The following PGM5 variants were observed in gnomAD, a reference collection of about 807,000 sequenced individuals.
The protein encoded by PGM5 is phosphoglucomutase 5.
A neutral mutation model predicts 59.2 loss-of-function variants in PGM5; 23 were observed. That is an observed-to-expected ratio of 0.39 (90% CI 0.28 to 0.55). The LOEUF is 0.55. PGM5 is among the 20% of genes least tolerant of loss of function. The probability of loss-of-function intolerance (pLI) is 0.66; values close to 1 mark genes in which losing one functional copy is unlikely to be tolerated. For missense variants in PGM5, 574 were observed against 748.3 expected (o/e 0.77, Z 2.72); for synonymous variants, 214 against 286.0 (o/e 0.75, Z 2.54).
chr9:68,369,467 G>T (rs1276092933), intron 1 of PGM5, among the ~76,000 whole-genome samples: 2 of 152,100 alleles, frequency 1.3e-5, no homozygotes, highest in Admixed American at 1.3e-4. Flanking sequence ...GCCCTTTCTT[G>T]TTCTAGTGAG....
chr9:68,480,073 CTT>C lies in PGM5; in HGVS notation c.1295+522_1295+523del, dbSNP rs201759223. Among the ~76,000 whole-genome samples the C allele has an allele frequency of 2.8e-4, 43 of 152,306 alleles. No homozygotes were observed. In the East Asian group the frequency reaches 8.1e-3, roughly 29 times the overall value. ...TTTCCTTTCCCCTGATGACATCACT[CTT>C]TAATCTTTTCATCAATGCCTATAAG... On this transcript the variant is annotated intron_variant, in intron 8 of 10. Coordinates refer to ENST00000396396, the MANE Select transcript of PGM5 (RefSeq NM_021965.4).
chr9:68,367,191 A>G (rs1554676771), intron 1 of PGM5, among the ~76,000 whole-genome samples: 2 of 150,624 alleles, frequency 1.3e-5, no homozygotes, highest in African/African-American at 2.5e-5. Flanking sequence ...AACATAAAGG[A>G]CTTTTTTGGT....
chr9:68,391,718 T>G lies in PGM5; in HGVS notation c.882T>G (p.Ala294=). The stretch of plus-strand genomic sequence containing the variant: ...ATGGATTTGGAGCTGCATTTGATGC[T>G]GATGGGGTAAGTAGGAAAGCTGTCT... ...GEYGFGAAFD[A]DGDRYMILGQ... Residue 294 remains alanine (A), a synonymous_variant, in exon 5 of 11, where the codon GCT becomes GCG. Transcript: ENST00000396396. 1 of 1,612,984 alleles carries G rather than the reference T, an allele frequency of 6.2e-7. No homozygotes were observed.
At chr9:68,501,335 G>A (rs1824570508) in intron 10 of PGM5, among the ~76,000 whole-genome samples, 1 of 152,164 alleles carries the variant, frequency 6.6e-6, no homozygotes, top group Admixed American at 6.6e-5. Flanking sequence ...ATACATTTGA[G>A]TCAGGATATA....
At chr9:68,479,723 AG>A (rs1554686971) in intron 8 of PGM5, among the ~76,000 whole-genome samples, 170 bp downstream of exon 8, 1 of 152,166 alleles carries the variant, frequency 6.6e-6, no homozygotes, top group Non-Finnish European at 1.5e-5. Flanking sequence ...TCACGAGGTC[AG>A]GAGATCGAGA....
At chr9:68,457,165 CT>C (rs1183948244) in intron 6 of PGM5, among the ~76,000 whole-genome samples, 3 of 151,866 alleles carry the variant, frequency 2.0e-5, no homozygotes, top group Non-Finnish European at 1.5e-5. Flanking sequence ...TGGCTTACTT[CT>C]TTTTTTTAGT....
chr9:68,433,219 G>A (rs1823383850), intron 6 of PGM5, among the ~76,000 whole-genome samples: 1 of 152,176 alleles, frequency 6.6e-6, no homozygotes, highest in Non-Finnish European at 1.5e-5. Context: ...GACTTAATCT[G>A]GATTCTGTCG....
At chr9:68,483,770 C>G in intron 8 of PGM5, 95 bp from the exon 9 acceptor site, 1 of 1,130,882 alleles carries the variant, frequency 8.8e-7, no homozygotes, top group South Asian at 1.4e-5. Context: ...TGCTGTCCTT[C>G]CCTGGAAACA....
At chr9:68,442,377 C>G (rs1202708132) in intron 6 of PGM5, among the ~76,000 whole-genome samples, 1 of 152,166 alleles carries the variant, frequency 6.6e-6, no homozygotes, top group Non-Finnish European at 1.5e-5. Context: ...CTCCACCTCC[C>G]AGGTTCAAGT....
rs1354040706 is a variant in PGM5 at position 68,524,274 on chromosome 9, A to G, written c.1615-5293A>G. 2.0e-5 allele frequency among the ~76,000 whole-genome samples: 3 copies of G among 152,338 alleles called. No individual in the cohort carries two copies. The East Asian group carries it at 5.8e-4, about 29-fold the overall frequency. ...AATGTCCAAAAAATTCATGATAAAC[A>G]TAGTGTCAAAACTTTAAATAGAGAG... is the stretch of plus-strand genomic sequence containing the variant. On this transcript the variant is annotated intron_variant, in intron 10 of 10. Coordinates refer to ENST00000396396, the MANE Select transcript of PGM5 (RefSeq NM_021965.4).
intron 10 of PGM5, among the ~76,000 whole-genome samples, chr9:68,525,514 G>A (rs541099629): frequency 2.0e-5 from 3 of 152,156 alleles, no homozygotes; most frequent in Admixed American, 6.5e-5. Flanking sequence ...TTGATGTTGC[G>A]AATCAACTAG....
intron 9 of PGM5, among the ~76,000 whole-genome samples, chr9:68,495,986 G>A (rs1333553739): frequency 1.3e-5 from 2 of 152,176 alleles, no homozygotes; most frequent in African/African-American, 4.8e-5. Context: ...TGCCACTGCA[G>A]CACAAAAGCA....
At chr9:68,455,124 G>A (rs1823753449) in intron 6 of PGM5, among the ~76,000 whole-genome samples, 1 of 152,122 alleles carries the variant, frequency 6.6e-6, no homozygotes, top group Non-Finnish European at 1.5e-5. Flanking sequence ...GACCTGATTT[G>A]GCTTCATAGG....
intron 7 of PGM5, 35 bp from the exon 8 acceptor site, chr9:68,479,383 A>G: frequency 6.3e-7 from 1 of 1,581,234 alleles, no homozygotes. Flanking sequence ...GCTCCCACAA[A>G]TGAATGCTCA....
At chr9:68,359,706 C>A (rs1414394384) in intron 1 of PGM5, among the ~76,000 whole-genome samples, 1 of 152,200 alleles carries the variant, frequency 6.6e-6, no homozygotes, top group African/African-American at 2.4e-5. Context: ...TACTCATAAG[C>A]AGGCTAGAAA....
chr9:68,438,724 C>G (rs575456922), intron 6 of PGM5, among the ~76,000 whole-genome samples: 1 of 152,164 alleles, frequency 6.6e-6, no homozygotes, highest in East Asian at 1.9e-4. Flanking sequence ...CAGTATTCTT[C>G]CACTTGAACC....
At chr9:68,418,003 G>A (rs1051294868) in intron 6 of PGM5, among the ~76,000 whole-genome samples, 10 of 152,290 alleles carry the variant, frequency 6.6e-5, no homozygotes, top group Admixed American at 4.6e-4. Context: ...AGGGAGCAGC[G>A]AACTTAATTC....
chr9:68,367,491 C>T (rs1306047390), intron 1 of PGM5, among the ~76,000 whole-genome samples: 3 of 152,208 alleles, frequency 2.0e-5, no homozygotes, highest in Non-Finnish European at 4.4e-5. Context: ...TGGGAGCTCA[C>T]GGTGCTTTAA....
Position 68,376,222 on chromosome 9 carries a change from C to A in PGM5, c.262-1977C>A, listed in dbSNP as rs371068950. Among the ~76,000 whole-genome samples the A allele has an allele frequency of 1.6e-4, 25 of 152,256 alleles. 1 individual carries two copies. In the South Asian group the frequency reaches 5.2e-3, roughly 32 times the overall value. ...TCAGGTCACTTCCACTGTTTAAAAC[C>A]TTTCAATGGATTCTGGTTGTACTTA... is the stretch of plus-strand genomic sequence containing the variant. On this transcript the variant is annotated intron_variant, in intron 1 of 10. Transcript: ENST00000396396.
Sources: gnomAD v4.1 joint callset for allele counts (sites outside exome capture counted in the v4.1 genomes callset) on GRCh38, gnomAD v4.1.1 for gene constraint, MANE v1.5 for transcripts, NCBI Gene and HGNC (gene_info 2026-07-23, HGNC 2026-07-21) for gene names.